Variants in MAF observed in about 807,000 individuals in gnomAD.
The protein encoded by MAF is transcription factor Maf.
MAF carries 10 observed loss-of-function variants against 22.0 expected under a neutral mutation model. The observed-to-expected ratio is 0.45, with a 90% CI of 0.28 to 0.77. MAF has a LOEUF of 0.77. Among genes scored for constraint, MAF ranks in the 30% least tolerant of loss-of-function variants. The pLI, the probability that MAF is intolerant of heterozygous loss-of-function variation, is 0.12. For missense variants in MAF, 544 were observed against 548.4 expected, an observed-to-expected ratio of 0.99 and a Z score of 0.08; for synonymous variants, 337 against 255.8, an observed-to-expected ratio of 1.32 and a Z score of -3.03.
At chr16:79,242,302 GT>G in the MAF span, among the ~76,000 whole-genome samples, 1 of 151,002 alleles carries the variant, frequency 6.6e-6, no homozygotes, top group African/African-American at 2.4e-5. Context: ...CCCATCTCAT[GT>G]GCAAAGACAC....
At chr16:79,270,938 T>A in the MAF span, among the ~76,000 whole-genome samples, 1 of 152,008 alleles carries the variant, frequency 6.6e-6, no homozygotes, top group Admixed American at 6.6e-5. Flanking sequence ...TTCACTCTTT[T>A]CACCCAGGAT....
At chr16:79,424,649 C>T in the MAF span, among the ~76,000 whole-genome samples, 10 of 152,280 alleles carry the variant, frequency 6.6e-5, no homozygotes, top group South Asian at 2.1e-3. Flanking sequence ...ACTGCAATTG[C>T]TGGAGTAGCC....
the MAF span, among the ~76,000 whole-genome samples, chr16:79,564,418 G>A: frequency 1.3e-5 from 2 of 152,302 alleles, no homozygotes; most frequent in East Asian, 3.9e-4. Context: ...GTCAACTGGG[G>A]ACCCAGAGAT....
At chr16:79,214,221 T>C in the MAF span, among the ~76,000 whole-genome samples, 1 of 152,200 alleles carries the variant, frequency 6.6e-6, no homozygotes, top group Non-Finnish European at 1.5e-5. Flanking sequence ...ATTTTTTCTG[T>C]CTACCCACTA....
At chr16:79,211,034 A>AGAGTGTGTGTGT in the MAF span, among the ~76,000 whole-genome samples, 1 of 149,602 alleles carries the variant, frequency 6.7e-6, no homozygotes, top group South Asian at 2.2e-4. Context: ...TATGGTGAGG[A>AGAGTGTGTGTGT]GTGTGTGTGT....
chr16:79,523,573 T>C, the MAF span, among the ~76,000 whole-genome samples: 1 of 152,212 alleles, frequency 6.6e-6, no homozygotes, highest in Non-Finnish European at 1.5e-5. Context: ...TGAGAGATGC[T>C]GGCTGCCTCA....
At chr16:79,508,670 T>C in the MAF span, among the ~76,000 whole-genome samples, 1 of 152,178 alleles carries the variant, frequency 6.6e-6, no homozygotes, top group Non-Finnish European at 1.5e-5. Context: ...GTAAATTACA[T>C]ATAGCACAGA....
the MAF span, among the ~76,000 whole-genome samples, chr16:79,342,663 T>G: frequency 6.6e-6 from 1 of 152,108 alleles, no homozygotes; most frequent in South Asian, 2.1e-4. Context: ...ACCATCATCA[T>G]AACAAAATTA....
the MAF span, among the ~76,000 whole-genome samples, chr16:79,301,454 A>G: frequency 0.14 from 21,174 of 152,176 alleles, 1,524 homozygotes; most frequent in Middle Eastern, 0.22. Context: ...GAGTCTTTCT[A>G]TGACAAAGCT....
At chr16:79,233,685 C>A in the MAF span, among the ~76,000 whole-genome samples, 1 of 151,950 alleles carries the variant, frequency 6.6e-6, no homozygotes, top group Admixed American at 6.6e-5. Flanking sequence ...AAATGGTAGA[C>A]AAGCAGATTC....
At chr16:79,486,368 G>T in the MAF span, among the ~76,000 whole-genome samples, 3 of 152,036 alleles carry the variant, frequency 2.0e-5, no homozygotes, top group Non-Finnish European at 2.9e-5. Context: ...TCTTAGATTC[G>T]CCCTGGTCAT....
the MAF span, among the ~76,000 whole-genome samples, chr16:79,231,608 G>C: frequency 2.0e-5 from 3 of 151,878 alleles, no homozygotes; most frequent in South Asian, 4.2e-4. Context: ...CCCTTAAAAG[G>C]GGTTCTTATG....
At chr16:79,223,092 A>T in the MAF span, among the ~76,000 whole-genome samples, 1 of 152,210 alleles carries the variant, frequency 6.6e-6, no homozygotes, top group African/African-American at 2.4e-5. Context: ...CATTGCACTT[A>T]TTGTAAAATT....
At chr16:79,590,793 C>T (rs928576280), downstream of MAF, among the ~76,000 whole-genome samples, 1 of 152,088 alleles carries the variant, frequency 6.6e-6, no homozygotes, top group Non-Finnish European at 1.5e-5. Context: ...CTGGGCCATA[C>T]TCTCCCAGCC....
chr16:79,489,057 C>T, the MAF span, among the ~76,000 whole-genome samples: 3 of 152,236 alleles, frequency 2.0e-5, no homozygotes, highest in South Asian at 2.1e-4. Flanking sequence ...ACTAGAGAAA[C>T]GTGGCAACTA....
At chr16:79,210,972 T>C in the MAF span, among the ~76,000 whole-genome samples, 1 of 152,202 alleles carries the variant, frequency 6.6e-6, no homozygotes, top group Admixed American at 6.5e-5. Flanking sequence ...AAAAAGGTTT[T>C]CATGGGATCT....
At chr16:79,364,388 C>T in the MAF span, among the ~76,000 whole-genome samples, 9 of 152,190 alleles carry the variant, frequency 5.9e-5, no homozygotes, top group African/African-American at 1.7e-4. Context: ...CACAACTTCC[C>T]GCACCTGTCA....
chr16:79,555,277 A>G, the MAF span, among the ~76,000 whole-genome samples: 1 of 152,176 alleles, frequency 6.6e-6, no homozygotes, highest in African/African-American at 2.4e-5. Context: ...CATGCAGGCC[A>G]TAGGCTCTGG....
rs1023573991 is a variant in MAF at position 79,597,439 on chromosome 16, G to T, written c.1118+1346C>A. The stretch of plus-strand genomic sequence containing the variant: ...AAAAATAAATTTTAGACTGCTTCTC[G>T]GCAATAGCACAATTTTAGTCCCCAA... On this transcript the variant is annotated intron_variant, in intron 1 of 1. Coordinates refer to ENST00000326043, the MANE Select transcript of MAF (RefSeq NM_005360.5). The T allele has an allele frequency of 2.9e-6, 3 of 1,028,592 alleles. No individual in the cohort carries two copies. In the Admixed American group the frequency reaches 1.7e-4, roughly 59 times the overall value. The allele number at this position is 1,028,592 out of a possible 1,614,324, so 63.7% of individuals were successfully genotyped here. A position where few individuals can be genotyped will look rare whatever the true frequency, so the allele number is the denominator to read the frequency against.
Sources: gnomAD v4.1 joint callset for allele counts (sites outside exome capture counted in the v4.1 genomes callset) on GRCh38, gnomAD v4.1.1 for gene constraint, MANE v1.5 for transcripts, NCBI Gene and HGNC (gene_info 2026-07-23, HGNC 2026-07-21) for gene names.